The following APBB2 variants were observed in gnomAD, a reference collection of about 807,000 sequenced individuals.
APBB2 encodes the protein Fe65-like 1.
In APBB2, 38 loss-of-function variants were observed where a neutral mutation model predicts 82.5. That is an observed-to-expected ratio of 0.46 (90% CI 0.36 to 0.60). The LOEUF is 0.60. APBB2 is among the 20% of genes least tolerant of loss of function. APBB2 has a pLI of 0.00. For missense variants in APBB2, 772 were observed against 972.3 expected (o/e 0.79, Z 2.74); for synonymous variants, 341 against 368.2 (o/e 0.93, Z 0.85).
intron 2 of APBB2, among the ~76,000 whole-genome samples, chr4:41,108,962 C>T (rs1748209386): frequency 6.6e-6 from 1 of 152,208 alleles, no homozygotes; most frequent in South Asian, 2.1e-4. Context: ...TCGCACACTC[C>T]AAGTCAAAAT....
chr4:41,090,392 T>C (rs1426138031), intron 3 of APBB2, among the ~76,000 whole-genome samples: 1 of 152,176 alleles, frequency 6.6e-6, no homozygotes, highest in Non-Finnish European at 1.5e-5. Context: ...GTGCCCTCTC[T>C]CCTATGGGTA....
intron 4 of APBB2, among the ~76,000 whole-genome samples, chr4:41,052,502 G>C (rs149186892): frequency 5.9e-5 from 9 of 152,100 alleles, no homozygotes; most frequent in Non-Finnish European, 1.2e-4. Flanking sequence ...CACAGCTCTC[G>C]TAGACAAGAT....
intron 17 of APBB2, among the ~76,000 whole-genome samples, chr4:40,820,741 G>C (rs1747575511): frequency 6.6e-6 from 1 of 152,046 alleles, no homozygotes; most frequent in South Asian, 2.1e-4. Flanking sequence ...AAGAAAATCA[G>C]GCCCCCACAC....
chr4:41,059,869 G>A (rs1714638073), intron 4 of APBB2, among the ~76,000 whole-genome samples: 1 of 151,940 alleles, frequency 6.6e-6, no homozygotes, highest in African/African-American at 2.4e-5. Flanking sequence ...AGTGCCGCTG[G>A]GTTAGAGTCT....
At chr4:40,912,531 C>T (rs574998055) in intron 10 of APBB2, among the ~76,000 whole-genome samples, 7 of 150,690 alleles carry the variant, frequency 4.6e-5, no homozygotes, top group Admixed American at 6.6e-5. Flanking sequence ...GAGCTGAGAT[C>T]GTGCCACTGC....
chr4:40,853,881 T>C (rs1760293215), intron 12 of APBB2, among the ~76,000 whole-genome samples: 1 of 152,140 alleles, frequency 6.6e-6, no homozygotes, highest in South Asian at 2.1e-4. Context: ...TGAGCTACTC[T>C]GTTGCATCAC....
At chr4:41,201,324 G>A (rs964745136) in intron 1 of APBB2, among the ~76,000 whole-genome samples, 1 of 152,090 alleles carries the variant, frequency 6.6e-6, no homozygotes, top group Non-Finnish European at 1.5e-5. Flanking sequence ...TAAAAGGGAG[G>A]GGAGACAGGT....
intron 6 of APBB2, among the ~76,000 whole-genome samples, chr4:40,945,319 C>T (rs967656715): frequency 1.3e-5 from 2 of 152,110 alleles, no homozygotes; most frequent in Non-Finnish European, 2.9e-5. Context: ...ACACAAAATC[C>T]TCACTATCAA....
intron 4 of APBB2, among the ~76,000 whole-genome samples, chr4:41,058,054 C>T (rs1728456919): frequency 3.3e-5 from 5 of 152,184 alleles, no homozygotes; most frequent in Admixed American, 3.3e-4. Context: ...AAAGACTATT[C>T]TGGCATGTTT....
rs942483766 is a variant in APBB2, at chr4:40,889,650, C to T, written c.1529+714G>A. On this transcript the variant is annotated intron_variant, in intron 12 of 17. Coordinates refer to ENST00000508593, the MANE Select transcript of APBB2 (RefSeq NM_004307.2). ...TAGACCAATTACTTAACAATGGTCT[C>T]TGAACATAAAGTCTGTGATAACTGC... 3.2e-4 allele frequency among the ~76,000 whole-genome samples: 48 copies of T among 152,174 alleles called. 1 individual carries two copies. Among genetic ancestry groups the T allele is most frequent in the African/African-American group, 1.1e-3 (47 of 41,452 alleles).
At chr4:40,984,167 G>A (rs1187964841) in intron 6 of APBB2, among the ~76,000 whole-genome samples, 1 of 152,114 alleles carries the variant, frequency 6.6e-6, no homozygotes, top group Non-Finnish European at 1.5e-5. Flanking sequence ...CATACTGTAC[G>A]ACACAGACAC....
intron 3 of APBB2, among the ~76,000 whole-genome samples, chr4:41,086,499 G>A (rs1027931278): frequency 1.6e-4 from 24 of 152,114 alleles, no homozygotes; most frequent in South Asian, 2.1e-4. Context: ...GGAATGCAAG[G>A]ATAGTTCAAC....
intron 6 of APBB2, among the ~76,000 whole-genome samples, chr4:40,992,739 C>A (rs1802505922): frequency 6.6e-6 from 1 of 152,120 alleles, no homozygotes; most frequent in Non-Finnish European, 1.5e-5. Flanking sequence ...CCCCGATGTC[C>A]AGGCCAGGGA....
intron 2 of APBB2, among the ~76,000 whole-genome samples, chr4:41,108,443 GAA>G (rs906034296): frequency 1.3e-5 from 2 of 150,426 alleles, no homozygotes; most frequent in African/African-American, 2.4e-5. Flanking sequence ...ACGTTGAGAA[GAA>G]AAAAAAAGAG....
intron 2 of APBB2, among the ~76,000 whole-genome samples, chr4:41,111,674 A>T (rs2153981886): frequency 6.6e-6 from 1 of 152,358 alleles, no homozygotes; most frequent in Middle Eastern, 3.4e-3. Flanking sequence ...GCACAAAAAA[A>T]ACTGCATATT....
At chr4:41,075,065 C>T (rs536101274) in intron 3 of APBB2, among the ~76,000 whole-genome samples, 2 of 152,148 alleles carry the variant, frequency 1.3e-5, no homozygotes, top group African/African-American at 2.4e-5. Context: ...CCCAGGAGGG[C>T]GATGCTGCAA....
At chr4:41,086,986 T>C (rs921261174) in intron 3 of APBB2, among the ~76,000 whole-genome samples, 2 of 150,678 alleles carry the variant, frequency 1.3e-5, no homozygotes, top group African/African-American at 2.4e-5. Context: ...GTCAAATAAA[T>C]GGAAAAGGCT....
At chr4:41,149,596 A>G (rs180959741) in intron 1 of APBB2, among the ~76,000 whole-genome samples, 1 of 152,326 alleles carries the variant, frequency 6.6e-6, no homozygotes, top group Admixed American at 6.5e-5. Context: ...TACTGCATAA[A>G]AAGAATGAAT....
At chr4:41,143,365 A>C (rs530003275) in intron 1 of APBB2, among the ~76,000 whole-genome samples, 1 of 152,314 alleles carries the variant, frequency 6.6e-6, no homozygotes, top group South Asian at 2.1e-4. Context: ...TGGCCTAGTG[A>C]TTATGCTCTG....
Sources: gnomAD v4.1 joint callset for allele counts (sites outside exome capture counted in the v4.1 genomes callset) on GRCh38, gnomAD v4.1.1 for gene constraint, MANE v1.5 for transcripts, NCBI Gene and HGNC (gene_info 2026-07-23, HGNC 2026-07-21) for gene names.